NCOR2: variants seen among roughly 807,000 people sequenced by gnomAD.
NCOR2 encodes CTG repeat protein 26.
A neutral mutation model predicts 262.9 loss-of-function variants in NCOR2; 81 were observed. The observed-to-expected ratio is 0.31, with a 90% confidence interval of 0.26 to 0.37. The LOEUF is 0.37. Among genes scored for constraint, NCOR2 ranks in the 10% least tolerant of loss-of-function variants. NCOR2 has a pLI of 1.00. For synonymous variants in NCOR2, 1,659 were observed against 1,559.3 expected, an observed-to-expected ratio of 1.06 and a Z score of -1.51; for missense variants, 3,385 against 3,621.4, an observed-to-expected ratio of 0.93 and a Z score of 1.68.
intron 16 of NCOR2, among the ~76,000 whole-genome samples, chr12:124,392,640 G>A (rs67417817): frequency 0.42 from 63,925 of 152,128 alleles, 13,726 homozygotes; most frequent in African/African-American, 0.44. Flanking sequence ...TTGTGCGGCA[G>A]AGCACACAGG....
intron 1 of NCOR2, among the ~76,000 whole-genome samples, chr12:124,488,842 C>T (rs922098654): frequency 1.3e-5 from 2 of 152,162 alleles, no homozygotes; most frequent in Admixed American, 6.5e-5. Context: ...CGATAGTGCC[C>T]ACGGCAGCCA....
exon 44 of NCOR2, chr12:124,330,880 G>A (rs756901061): frequency 3.8e-6 from 6 of 1,582,862 alleles, no homozygotes; most frequent in African/African-American, 1.3e-5. Flanking sequence ...GAAGATCTCC[G>A]TCCCAGGCTG....
intron 1 of NCOR2, among the ~76,000 whole-genome samples, chr12:124,500,861 C>T (rs2048664346): frequency 6.6e-6 from 1 of 152,074 alleles, no homozygotes; most frequent in Non-Finnish European, 1.5e-5. Context: ...GTGGGAGCTA[C>T]AGGATGTGCC....
At chr12:124,424,232 A>T (rs1403282740) in intron 11 of NCOR2, among the ~76,000 whole-genome samples, 1 of 152,214 alleles carries the variant, frequency 6.6e-6, no homozygotes, top group Admixed American at 6.5e-5. Flanking sequence ...AAAAATACAT[A>T]CACTAAAACA....
chr12:124,554,903 G>A (rs1009761014), intron 1 of NCOR2, among the ~76,000 whole-genome samples: 3 of 152,268 alleles, frequency 2.0e-5, no homozygotes, highest in Non-Finnish European at 4.4e-5. Flanking sequence ...AGGGTGACCC[G>A]GAGGGGAATG....
At chr12:124,458,788 G>A (rs1412129107) in intron 5 of NCOR2, among the ~76,000 whole-genome samples, 1 of 152,192 alleles carries the variant, frequency 6.6e-6, no homozygotes, top group Non-Finnish European at 1.5e-5. Flanking sequence ...CCACCCCTAG[G>A]CTTGGGACTA....
intron 1 of NCOR2, among the ~76,000 whole-genome samples, chr12:124,519,468 G>A: frequency 6.6e-6 from 1 of 152,168 alleles, no homozygotes; most frequent in Non-Finnish European, 1.5e-5. Context: ...AGGCACCCCT[G>A]GCAGAAGCAT....
chr12:124,472,764 TAC>T (rs988871532), intron 4 of NCOR2, among the ~76,000 whole-genome samples, 186 bp downstream of exon 6: 1 of 152,232 alleles, frequency 6.6e-6, no homozygotes, highest in Non-Finnish European at 1.5e-5. Flanking sequence ...ATCCTGCAGA[TAC>T]ACAGTGTTTC....
At chr12:124,336,560 CG>C (rs939613169) in intron 38 of NCOR2, 192 bp downstream of exon 40, 4 of 966,774 alleles carry the variant, frequency 4.1e-6, no homozygotes, top group Admixed American at 1.2e-4. Context: ...ACAAAAAAAA[CG>C]GGGGCCAAAG....
intron 22 of NCOR2, among the ~76,000 whole-genome samples, chr12:124,360,009 C>T (rs551507354): frequency 7.9e-5 from 12 of 152,240 alleles, no homozygotes; most frequent in Non-Finnish European, 1.3e-4. Context: ...CAGGCCCTGG[C>T]CACACCAACG....
chr12:124,385,879 C>T, exon 17 of NCOR2: 1 of 1,613,314 alleles, frequency 6.2e-7, no homozygotes, highest in Non-Finnish European at 8.5e-7. Context: ...CGGCCGTGTT[C>T]CAGGAGACCT....
Position 124,385,735 on chromosome 12 carries a change from G to C in NCOR2, c.2019+10C>G, listed in dbSNP as rs756398058. 2 of 1,612,754 alleles carry C rather than the reference G, an allele frequency of 1.2e-6. No homozygotes were observed. The highest frequency in any genetic ancestry group is 1.7e-5 in the Admixed American group (1 of 59,938). Reference sequence around the variant, plus strand: ...CCCAGAGGCGCGGTGCAGCGTGACTGGGGGCTCACCATCTTCAGCTTGTGC... The same window carrying C: ...CCCAGAGGCGCGGTGCAGCGTGACTCGGGGCTCACCATCTTCAGCTTGTGC... On this transcript the variant is annotated intron_variant, in intron 17 of 46. Coordinates refer to ENST00000405201, the Ensembl canonical transcript of NCOR2.
At chr12:124,448,367 G>A (rs58694283) in intron 7 of NCOR2, among the ~76,000 whole-genome samples, 2,817 of 152,288 alleles carry the variant, frequency 0.018, 83 homozygotes, top group African/African-American at 0.064. Flanking sequence ...AAACTATGTC[G>A]AGTCAAAAGG....
At chr12:124,411,083 GGA>G (rs10567535) in intron 13 of NCOR2, among the ~76,000 whole-genome samples, 81,390 of 124,560 alleles carry the variant, frequency 0.65, 27,977 homozygotes, top group Non-Finnish European at 0.73. Context: ...AGAGAGAAGG[GGA>G]GAGAGAGAGA....
At chr12:124,514,169 G>A (rs574299389) in intron 1 of NCOR2, 4 of 152,336 alleles carry the variant, frequency 2.6e-5, no homozygotes, top group Admixed American at 2.6e-4. Context: ...TCTGGGAGGT[G>A]ATGAGCTGTC....
rs1186634784 is a variant in NCOR2, at chr12:124,482,056, C to T, written c.411+1540G>A. Among the ~76,000 whole-genome samples, 2 of 152,070 alleles carry T rather than the reference C, an allele frequency of 1.3e-5. No individual in the cohort carries two copies. The highest frequency in any genetic ancestry group is 3.8e-4 in the East Asian group (2 of 5,200). On this transcript the variant is annotated intron_variant, in intron 3 of 46. Transcript: ENST00000405201. The surrounding 1 kb of genome is among the most constrained non-coding windows in gnomAD (Gnocchi z 6.3). ...GCAGGGAGGTGGCCAGGGTGGAGTC[C>T]CTGAGTGCCAACAAGAACACAGCTG...
At position 124,332,413 on chromosome 12, in the gene NCOR2, G is replaced by A. The variant is rs752481991; in HGVS notation, c.6810C>T (p.Ser2270=). The A allele has an allele frequency of 3.1e-6, 5 of 1,614,130 alleles. No individual in the cohort carries two copies. In the Admixed American group the frequency reaches 8.3e-5, roughly 27 times the overall value. ...TGGCGGAGTTGCTCTCGGTCAGCTT[G>A]CTGAAGAAGGCTGGCGGCTGGCTGG... Residue 2270 remains serine (S), a synonymous_variant, in exon 43 of 47, where the codon AGC becomes AGT. Coordinates refer to ENST00000405201, the Ensembl canonical transcript of NCOR2.
chr12:124,486,477 G>C, exon 2 of NCOR2: 3 of 1,612,026 alleles, frequency 1.9e-6, no homozygotes, highest in Non-Finnish European at 2.5e-6. Context: ...CAGCAGGGAG[G>C]GCCTCCGCCG....
chr12:124,431,852 T>C (rs776103578), intron 8 of NCOR2, among the ~76,000 whole-genome samples: 92 of 144,332 alleles, frequency 6.4e-4, no homozygotes, highest in Non-Finnish European at 1.1e-3. Flanking sequence ...CAGACAGTCA[T>C]ATAGGCAGAT....
Sources: gnomAD v4.1 joint callset for allele counts (sites outside exome capture counted in the v4.1 genomes callset) on GRCh38, gnomAD v4.1.1 for gene constraint, Gnocchi (gnomAD v3.1) non-coding constraint, MANE v1.5 for transcripts, NCBI Gene and HGNC (gene_info 2026-07-23, HGNC 2026-07-21) for gene names.